The following TENM4 variants were observed in gnomAD, a reference collection of about 807,000 sequenced individuals.
The protein encoded by TENM4 is teneurin transmembrane protein 4, also known as teneurin-4.
TENM4 carries 82 observed loss-of-function variants against 243.3 expected under a neutral mutation model. The observed-to-expected ratio is 0.34, with a 90% CI of 0.28 to 0.40. TENM4 has a LOEUF of 0.40. Among genes scored for constraint, TENM4 ranks in the 10% least tolerant of loss-of-function variants. The pLI, the probability that TENM4 is intolerant of heterozygous loss-of-function variation, is 1.00. For synonymous variants in TENM4, 1,412 were observed against 1,456.3 expected (o/e 0.97, Z 0.69); for missense variants, 3,138 against 3,673.3 (o/e 0.85, Z 3.77).
intron 1 of TENM4, among the ~76,000 whole-genome samples, chr11:79,338,056 G>C (rs1249582681): frequency 6.6e-6 from 1 of 152,224 alleles, no homozygotes; most frequent in Non-Finnish European, 1.5e-5. Context: ...CTTCTCAACT[G>C]TCTCTTCCCC....
At chr11:79,011,099 A>G (rs767064573) in intron 6 of TENM4, among the ~76,000 whole-genome samples, 1 of 152,158 alleles carries the variant, frequency 6.6e-6, no homozygotes, top group Non-Finnish European at 1.5e-5. Flanking sequence ...CTGTTAGAAT[A>G]TTTTCTTTTT....
intron 2 of TENM4, among the ~76,000 whole-genome samples, chr11:79,291,114 G>C (rs1220515212): frequency 1.3e-5 from 2 of 152,090 alleles, no homozygotes; most frequent in Non-Finnish European, 2.9e-5. Context: ...TGGTGGTGGG[G>C]GCAGATGGGC....
At chr11:78,863,220 G>A in intron 9 of TENM4, 88 bp from the exon 10 acceptor site, 2 of 1,366,306 alleles carry the variant, frequency 1.5e-6, no homozygotes, top group Non-Finnish European at 1.9e-6. Context: ...GGCAGGGTGG[G>A]GGAACACAGG....
At chr11:79,254,654 A>T (rs1298514009) in intron 2 of TENM4, among the ~76,000 whole-genome samples, 1 of 152,208 alleles carries the variant, frequency 6.6e-6, no homozygotes, top group African/African-American at 2.4e-5. Flanking sequence ...CCTTGCACAC[A>T]TCAAAAATCA....
chr11:79,417,583 C>A (rs1858845327), intron 1 of TENM4, among the ~76,000 whole-genome samples: 1 of 152,156 alleles, frequency 6.6e-6, no homozygotes, highest in Non-Finnish European at 1.5e-5. Context: ...GGTGTTTATG[C>A]CCCATGTCCA....
At chr11:79,411,524 G>T (rs1238473532) in intron 1 of TENM4, among the ~76,000 whole-genome samples, 3 of 152,124 alleles carry the variant, frequency 2.0e-5, no homozygotes, top group Non-Finnish European at 4.4e-5. Context: ...CTGCACTTAG[G>T]CTACACCACC....
intron 19 of TENM4, among the ~76,000 whole-genome samples, chr11:78,743,598 A>T (rs1240811829): frequency 6.6e-6 from 1 of 152,188 alleles, no homozygotes; most frequent in Admixed American, 6.5e-5. Context: ...CCCTTTCAAG[A>T]GGCCAGCCCG....
At chr11:78,963,825 A>G (rs1214731284) in intron 6 of TENM4, among the ~76,000 whole-genome samples, 17 of 148,956 alleles carry the variant, frequency 1.1e-4, no homozygotes, top group African/African-American at 3.7e-4. Flanking sequence ...TCTGCCTCCC[A>G]GGTCCAAGTG....
chr11:79,006,982 C>A (rs1008186371), intron 6 of TENM4, among the ~76,000 whole-genome samples: 8 of 152,134 alleles, frequency 5.3e-5, no homozygotes, highest in Non-Finnish European at 1.0e-4. Flanking sequence ...CAGTTGAAGG[C>A]CTGAATAAAA....
chr11:78,766,946 C>T (rs1402724057), intron 18 of TENM4, among the ~76,000 whole-genome samples: 1 of 152,160 alleles, frequency 6.6e-6, no homozygotes, highest in Non-Finnish European at 1.5e-5. Flanking sequence ...TCAAGTGATC[C>T]ACCCGCCTCA....
In TENM4 at chr11:78,763,798, G is replaced by T. The variant is rs1175130580; in HGVS notation, c.2540-6777C>A. 2.0e-5 allele frequency among the ~76,000 whole-genome samples: 3 copies of T among 152,190 alleles called. No individual in the cohort carries two copies. In the East Asian group the frequency reaches 5.8e-4, roughly 29 times the overall value. On this transcript the variant is annotated intron_variant, in intron 18 of 33. Coordinates refer to ENST00000278550, the MANE Select transcript of TENM4 (RefSeq NM_001098816.3). Reference sequence around the variant, plus strand: ...GATACTAGGCTCTGCCAACCTCTCAGGATTGCTGAAGGGCTCCAGAGTCTA... The same window carrying T: ...GATACTAGGCTCTGCCAACCTCTCATGATTGCTGAAGGGCTCCAGAGTCTA...
intron 4 of TENM4, among the ~76,000 whole-genome samples, chr11:79,132,361 A>AAAAAAAAAAAAAAG (rs1353670850): frequency 1.9e-4 from 29 of 149,982 alleles, no homozygotes; most frequent in Non-Finnish European, 3.9e-4. Context: ...AAAAAAAAAA[A>AAAAAAAAAAAAAAG]AGAGAAATGA....
intron 7 of TENM4, among the ~76,000 whole-genome samples, chr11:78,891,769 A>C (rs899291763): frequency 2.0e-5 from 3 of 152,166 alleles, no homozygotes; most frequent in Admixed American, 2.0e-4. Flanking sequence ...CAGGAATTAG[A>C]GCTCAGGTTC....
intron 4 of TENM4, among the ~76,000 whole-genome samples, chr11:79,089,126 T>C (rs10793359): frequency 0.52 from 79,252 of 152,008 alleles, 20,935 homozygotes; most frequent in East Asian, 0.74. Flanking sequence ...ACAATTACCT[T>C]GGGTCACTGT....
intron 22 of TENM4, among the ~76,000 whole-genome samples, chr11:78,727,852 C>T (rs569683477): frequency 1.1e-4 from 16 of 152,324 alleles, no homozygotes. Context: ...CAATATTCTA[C>T]TACATGTTCA....
Position 79,222,695 on chromosome 11 carries a change from G to A in TENM4, c.-264-6786C>T, listed in dbSNP as rs571112884. Among the ~76,000 whole-genome samples the A allele has an allele frequency of 1.2e-4, 18 of 152,210 alleles. No individual in the cohort carries two copies. In the East Asian group the frequency reaches 2.9e-3, roughly 24 times the overall value. ...TGTTCTTGACATTTTAATAACTGCC[G>A]TCTGACTGGTGTGAGATGGTATCTC... On this transcript the variant is annotated intron_variant, in intron 2 of 33. Coordinates refer to ENST00000278550, the MANE Select transcript of TENM4 (RefSeq NM_001098816.3).
chr11:78,683,373 C>T (rs1180265552), intron 29 of TENM4, among the ~76,000 whole-genome samples: 1 of 73,288 alleles, frequency 1.4e-5, no homozygotes, highest in Non-Finnish European at 3.0e-5. Context: ...GCCCCTCCCC[C>T]AGCCTCGTTG....
At chr11:79,039,554 T>C (rs866085711) in intron 6 of TENM4, among the ~76,000 whole-genome samples, 2 of 152,172 alleles carry the variant, frequency 1.3e-5, no homozygotes, top group South Asian at 4.1e-4. Flanking sequence ...GTAGAACTCC[T>C]CTACAGAAAA....
At chr11:78,719,532 T>C (rs1342029795) in intron 25 of TENM4, among the ~76,000 whole-genome samples, 4 of 152,222 alleles carry the variant, frequency 2.6e-5, no homozygotes, top group Non-Finnish European at 5.9e-5. Context: ...AGACTTTCTT[T>C]CATCCCAACT....
Sources: allele counts gnomAD v4.1 joint callset (sites outside exome capture counted in the v4.1 genomes callset), GRCh38; gene constraint gnomAD v4.1.1; transcripts MANE v1.5; gene names NCBI Gene and HGNC (gene_info 2026-07-23, HGNC 2026-07-21).